The following NKAIN3 variants were observed in gnomAD, a reference collection of about 807,000 sequenced individuals.
The protein encoded by NKAIN3 is sodium/potassium transporting ATPase interacting 3.
A neutral mutation model predicts 30.2 loss-of-function variants in NKAIN3; 25 were observed. The observed-to-expected ratio is 0.83, with a 90% CI of 0.60 to 1.16. The LOEUF is 1.16. NKAIN3 is among the 50% of genes most tolerant of loss of function. The probability of loss-of-function intolerance (pLI) is 0.00; values close to 1 mark genes in which losing one functional copy is unlikely to be tolerated. For synonymous variants in NKAIN3, 91 were observed against 89.6 expected (o/e 1.02, Z -0.09); for missense variants, 225 against 254.1 (o/e 0.89, Z 0.78).
At chr8:62,486,233 T>C (rs1297911619) in intron 1 of NKAIN3, among the ~76,000 whole-genome samples, 1 of 152,106 alleles carries the variant, frequency 6.6e-6, no homozygotes, top group African/African-American at 2.4e-5. Flanking sequence ...TTGAGACAGA[T>C]AGAGTGGACG....
chr8:62,703,113 GA>G (rs1814396976), intron 3 of NKAIN3, among the ~76,000 whole-genome samples: 1 of 152,020 alleles, frequency 6.6e-6, no homozygotes, highest in African/African-American at 2.4e-5. Flanking sequence ...TTGGGAAAGA[GA>G]AATATTATTT....
At chr8:62,819,544 T>C (rs1281694430) in intron 4 of NKAIN3, among the ~76,000 whole-genome samples, 1 of 152,090 alleles carries the variant, frequency 6.6e-6, no homozygotes, top group Non-Finnish European at 1.5e-5. Context: ...TGATTAATTG[T>C]CTCAGTCATG....
intron 3 of NKAIN3, among the ~76,000 whole-genome samples, chr8:62,687,210 T>C (rs997712549): frequency 1.3e-5 from 2 of 152,228 alleles, no homozygotes; most frequent in Non-Finnish European, 2.9e-5. Flanking sequence ...ATTAGAGGAA[T>C]ATGTGTGTTT....
chr8:62,367,514 T>A (rs1431504385), intron 1 of NKAIN3, among the ~76,000 whole-genome samples: 1 of 152,138 alleles, frequency 6.6e-6, no homozygotes, highest in Non-Finnish European at 1.5e-5. Flanking sequence ...ATAACAAAAT[T>A]CAACATTCAT....
chr8:62,856,366 A>C, intron 4 of NKAIN3: 1 of 850,290 alleles, frequency 1.2e-6, no homozygotes, highest in East Asian at 2.4e-5. Context: ...GTCTCCTTGG[A>C]GTGAACCTTC....
At chr8:62,923,811 G>T (rs571650890) in intron 5 of NKAIN3, among the ~76,000 whole-genome samples, 18 of 152,288 alleles carry the variant, frequency 1.2e-4, no homozygotes, top group Admixed American at 1.1e-3. Flanking sequence ...AGTTCAGGCA[G>T]CACAGAACAG....
At chr8:62,635,909 A>C (rs1812111796) in intron 3 of NKAIN3, among the ~76,000 whole-genome samples, 1 of 152,182 alleles carries the variant, frequency 6.6e-6, no homozygotes, top group African/African-American at 2.4e-5. Context: ...TTTTAGCAGA[A>C]GCCTTACTAT....
chr8:62,422,750 C>T (rs1804682757), intron 1 of NKAIN3, among the ~76,000 whole-genome samples: 1 of 152,112 alleles, frequency 6.6e-6, no homozygotes, highest in African/African-American at 2.4e-5. Context: ...TTTTCCATCT[C>T]TGACTTAAAC....
At chr8:62,784,564 A>G (rs1219295340) in intron 4 of NKAIN3, among the ~76,000 whole-genome samples, 1 of 152,070 alleles carries the variant, frequency 6.6e-6, no homozygotes, top group Non-Finnish European at 1.5e-5. Context: ...AACTGACTCA[A>G]GCAGAAGTAT....
At chr8:62,896,907 C>T (rs1382944168) in intron 4 of NKAIN3, among the ~76,000 whole-genome samples, 1 of 152,116 alleles carries the variant, frequency 6.6e-6, no homozygotes, top group Non-Finnish European at 1.5e-5. Context: ...ATGAATTAAG[C>T]AAGGAATGAA....
At chr8:62,837,879 A>T (rs901444895) in intron 4 of NKAIN3, among the ~76,000 whole-genome samples, 1 of 152,058 alleles carries the variant, frequency 6.6e-6, no homozygotes, top group African/African-American at 2.4e-5. Flanking sequence ...AGGAAGCTGC[A>T]ATATGCTTGG....
At chr8:62,962,513 G>T (rs1585626878) in intron 6 of NKAIN3, among the ~76,000 whole-genome samples, 2 of 152,152 alleles carry the variant, frequency 1.3e-5, no homozygotes, top group African/African-American at 2.4e-5. Flanking sequence ...AATTGAGCAG[G>T]TTCTTTCAAC....
intron 1 of NKAIN3, among the ~76,000 whole-genome samples, chr8:62,287,363 C>G (rs553458787): frequency 6.6e-6 from 1 of 151,936 alleles, no homozygotes; most frequent in African/African-American, 2.4e-5. Flanking sequence ...GACCTCACAT[C>G]CTGGTTTGAA....
chr8:62,385,778 G>T (rs1817409152), intron 1 of NKAIN3, among the ~76,000 whole-genome samples: 1 of 152,056 alleles, frequency 6.6e-6, no homozygotes, highest in African/African-American at 2.4e-5. Context: ...GTGTATAAAT[G>T]GCATCTACAG....
chr8:62,314,598 A>G (rs1447406943), intron 1 of NKAIN3, among the ~76,000 whole-genome samples: 2 of 152,174 alleles, frequency 1.3e-5, no homozygotes, highest in African/African-American at 4.8e-5. Flanking sequence ...GTTAGCCTGT[A>G]CCACACACTT....
intron 1 of NKAIN3, among the ~76,000 whole-genome samples, chr8:62,512,892 A>G (rs1189211491): frequency 2.0e-5 from 3 of 152,132 alleles, no homozygotes; most frequent in Admixed American, 6.5e-5. Flanking sequence ...TGCATTACCA[A>G]CAAGTGACAA....
intron 1 of NKAIN3, among the ~76,000 whole-genome samples, chr8:62,277,199 T>A (rs1410297369): frequency 6.6e-6 from 1 of 152,212 alleles, no homozygotes; most frequent in African/African-American, 2.4e-5. Flanking sequence ...ACATTTTTAA[T>A]GAATCTGTCA....
At chr8:62,249,181 C>CTCTGCGACTCCCTCTGCGGT (rs1172460609) in intron 1 of NKAIN3, 54 bp downstream of exon 1, 12 of 1,412,052 alleles carry the variant, frequency 8.5e-6, no homozygotes, top group Middle Eastern at 1.9e-4. Context: ...CAGGACCGGC[C>CTCTGCGACTCCCTCTGCGGT]TCTGCGACTC....
intron 4 of NKAIN3, among the ~76,000 whole-genome samples, chr8:62,816,628 G>A (rs912169641): frequency 2.0e-5 from 3 of 152,126 alleles, no homozygotes; most frequent in African/African-American, 7.2e-5. Flanking sequence ...TGCGATCAGG[G>A]TGTAGAGTGC....
Sources: gnomAD v4.1 joint callset for allele counts (sites outside exome capture counted in the v4.1 genomes callset) on GRCh38, gnomAD v4.1.1 for gene constraint, MANE v1.5 for transcripts, NCBI Gene and HGNC (gene_info 2026-07-23, HGNC 2026-07-21) for gene names.